Variants in RAB6A observed in about 807,000 individuals in gnomAD.
The protein encoded by RAB6A is ras-related protein Rab-6A.
Under a neutral mutation model 32.3 loss-of-function variants are expected in RAB6A, and 8 were observed. That is an observed-to-expected ratio of 0.25 (90% confidence interval 0.15 to 0.45). RAB6A has a LOEUF of 0.45. Ranked by LOEUF, RAB6A falls within the 20% of genes least tolerant of loss-of-function variation. RAB6A has a pLI of 1.00. For synonymous variants in RAB6A, 73 were observed against 82.1 expected (o/e 0.89, Z 0.60); for missense variants, 104 against 249.4 (o/e 0.42, Z 3.93).
chr11:73,698,463 G>A (rs972412611), intron 6 of RAB6A, among the ~76,000 whole-genome samples: 1 of 152,156 alleles, frequency 6.6e-6, no homozygotes, highest in Non-Finnish European at 1.5e-5. Context: ...ACTTCATAGG[G>A]ATATTGTGAG....
intron 4 of RAB6A, 97 bp downstream of exon 4, chr11:73,718,516 A>T: frequency 9.8e-7 from 1 of 1,021,676 alleles, no homozygotes; most frequent in South Asian, 1.7e-5. Flanking sequence ...ACTTATTTTT[A>T]CATGCCAGTA....
Position 73,731,686 on chromosome 11 carries a change from ATATATATATATATATATATATATAT to A in RAB6A, c.71-888_71-864del, listed in dbSNP as rs1946306366. On this transcript the variant is annotated intron_variant, in intron 1 of 7. Transcript: ENST00000336083. ...ATTGTGAGATAGATAGATAGATATT[ATATATATATATATATATATATATAT>A]ATATATATATATATATATATACACA... Among the ~76,000 whole-genome samples the A allele has an allele frequency of 6.9e-4, 19 of 27,602 alleles. 2 individuals are homozygous for A. Among genetic ancestry groups the A allele is most frequent in the South Asian group, 3.5e-3 (3 of 856 alleles). 18.1% of individuals were successfully genotyped at this position (27,602 alleles called of 152,430 possible).
intron 1 of RAB6A, among the ~76,000 whole-genome samples, chr11:73,731,703 T>A (rs373189445): frequency 7.9e-5 from 1 of 12,604 alleles, no homozygotes; most frequent in South Asian, 4.1e-3. Flanking sequence ...TATATATATA[T>A]ATATATATAT....
At chr11:73,679,860 C>A in intron 6 of RAB6A, 140 bp from the exon 7 acceptor site, 1 of 1,056,362 alleles carries the variant, frequency 9.5e-7, no homozygotes. Flanking sequence ...GGGACCCACC[C>A]GAGGTGGGCA....
At chr11:73,743,304 CAAAAAAAAAAA>C in intron 1 of RAB6A, among the ~76,000 whole-genome samples, 1 of 103,374 alleles carries the variant, frequency 9.7e-6, no homozygotes, top group African/African-American at 3.6e-5. Flanking sequence ...AACTCTGTCT[CAAAAAAAAAAA>C]AAAAAAGAGA....
At chr11:73,703,028 T>C (rs1180474321) in intron 6 of RAB6A, among the ~76,000 whole-genome samples, 19 of 151,840 alleles carry the variant, frequency 1.3e-4, no homozygotes, top group Admixed American at 1.2e-3. Flanking sequence ...AGCTAATTTT[T>C]TAATTTTTTA....
At chr11:73,693,734 A>C (rs1945613701) in intron 6 of RAB6A, among the ~76,000 whole-genome samples, 1 of 151,894 alleles carries the variant, frequency 6.6e-6, no homozygotes, top group African/African-American at 2.4e-5. Context: ...AAATTTAAAA[A>C]ATCAGGTGTG....
At chr11:73,747,529 A>AT (rs1946609799) in intron 1 of RAB6A, among the ~76,000 whole-genome samples, 1 of 151,806 alleles carries the variant, frequency 6.6e-6, no homozygotes, top group African/African-American at 2.4e-5. Flanking sequence ...AATCTTACAT[A>AT]ACCACAGCAC....
intron 5 of RAB6A, among the ~76,000 whole-genome samples, chr11:73,710,855 C>A (rs1945946869): frequency 6.6e-6 from 1 of 151,910 alleles, no homozygotes; most frequent in South Asian, 2.1e-4. Flanking sequence ...CTCAAATGAT[C>A]CTTCTGCCTC....
chr11:73,730,163 T>C (rs1238172620), intron 2 of RAB6A: 1 of 152,298 alleles, frequency 6.6e-6, no homozygotes, highest in Non-Finnish European at 1.5e-5. Flanking sequence ...CTTCTGTCGC[T>C]TTGGGTTTAG....
At position 73,676,789 on chromosome 11, in the gene RAB6A, T is replaced by C. The variant is rs1330057006; in HGVS notation, c.*1109A>G. 1.2e-5 allele frequency: 2 copies of C among 167,126 alleles called. No homozygotes were observed. The highest frequency in any genetic ancestry group is 2.9e-5 in the Non-Finnish European group (2 of 68,122). The allele number at this position is 167,126 out of a possible 1,614,324, so 10.4% of individuals were successfully genotyped here. ...ACCTCAAATGTCCTGAGCAAAGTTTTTGTTATTCTGCTGAGGGTTCTTTTG... is the reference window on the plus strand; with the variant it reads ...ACCTCAAATGTCCTGAGCAAAGTTTCTGTTATTCTGCTGAGGGTTCTTTTG... On this transcript the variant is annotated 3_prime_UTR_variant, in exon 8 of 8. Transcript: ENST00000336083.
At chr11:73,737,612 G>A (rs1946420133) in intron 1 of RAB6A, among the ~76,000 whole-genome samples, 1 of 152,174 alleles carries the variant, frequency 6.6e-6, no homozygotes, top group Non-Finnish European at 1.5e-5. Context: ...GTGGTACACA[G>A]ATACAATGGG....
intron 2 of RAB6A, chr11:73,729,752 C>G (rs1459656624): frequency 6.6e-6 from 1 of 152,256 alleles, no homozygotes; most frequent in Non-Finnish European, 1.5e-5. Flanking sequence ...ATAGGCAAAC[C>G]AACCAATCCA....
chr11:73,687,599 T>C (rs1227224185), intron 6 of RAB6A, among the ~76,000 whole-genome samples: 2 of 152,212 alleles, frequency 1.3e-5, no homozygotes, highest in Non-Finnish European at 2.9e-5. Context: ...ATGCCACTCG[T>C]AATCCCAGCA....
At chr11:73,722,794 TTCA>T (rs1946161955) in intron 2 of RAB6A, 2 of 152,146 alleles carry the variant, frequency 1.3e-5, no homozygotes, top group African/African-American at 4.8e-5. Context: ...CATTTATTCG[TTCA>T]TCGATTATTT....
intron 6 of RAB6A, among the ~76,000 whole-genome samples, chr11:73,685,783 G>A (rs192735820): frequency 6.7e-6 from 1 of 148,882 alleles, no homozygotes; most frequent in African/African-American, 2.5e-5. Context: ...TACTTGGGAG[G>A]GTGAGGCAGG....
intron 2 of RAB6A, among the ~76,000 whole-genome samples, chr11:73,727,890 T>C (rs903247230): frequency 7.2e-5 from 11 of 152,308 alleles, no homozygotes; most frequent in African/African-American, 1.4e-4. Context: ...CTTTAATCTA[T>C]AGAATGACAA....
chr11:73,757,129 ATTTTTT>A (rs869261713), intron 1 of RAB6A, among the ~76,000 whole-genome samples: 68 of 30,248 alleles, frequency 2.2e-3, no homozygotes, highest in African/African-American at 0.011. Flanking sequence ...ATATATATAT[ATTTTTT>A]TTTTTTTTTT....
At position 73,760,874 on chromosome 11, in the gene RAB6A, A is replaced by G; in HGVS notation, c.-239T>C. On this transcript the variant is annotated 5_prime_UTR_variant, in exon 1 of 8. Transcript: ENST00000336083. ...GAGGCCCGCGGCTGGGAAGGGAAGG[A>G]GGGCGGTGTCGGCAGGAGCCAGGGG... The G allele has an allele frequency of 1.9e-6, 1 of 514,778 alleles. No homozygotes were observed. Among genetic ancestry groups the G allele is most frequent in the Non-Finnish European group, 3.5e-6 (1 of 288,376 alleles). 31.9% of individuals were successfully genotyped at this position (514,778 alleles called of 1,614,324 possible).
Sources: gnomAD v4.1 joint callset for allele counts (sites outside exome capture counted in the v4.1 genomes callset) on GRCh38, gnomAD v4.1.1 for gene constraint, MANE v1.5 for transcripts, NCBI Gene and HGNC (gene_info 2026-07-23, HGNC 2026-07-21) for gene names.